Variants in SORBS2 observed in about 807,000 individuals in gnomAD.
The protein encoded by SORBS2 is sorbin and SH3 domain containing 2, also known as sorbin and SH3 domain-containing protein 2.
Under a neutral mutation model 97.7 loss-of-function variants are expected in SORBS2, and 46 were observed. That is an observed-to-expected ratio of 0.47 (90% CI 0.37 to 0.60). The LOEUF (loss-of-function observed/expected upper bound fraction) is 0.60. Ranked by LOEUF, SORBS2 falls within the 20% of genes least tolerant of loss-of-function variation. The pLI, the probability that SORBS2 is intolerant of heterozygous loss-of-function variation, is 0.00. For missense variants in SORBS2, 1,316 were observed against 1,282.3 expected (o/e 1.03, Z -0.40); for synonymous variants, 476 against 473.4 (o/e 1.01, Z -0.07).
chr4:185,651,466 A>G (rs2097312838), intron 2 of SORBS2, among the ~76,000 whole-genome samples: 1 of 152,172 alleles, frequency 6.6e-6, no homozygotes, highest in East Asian at 1.9e-4. Flanking sequence ...TCTGCTGATA[A>G]AAGATCTTTA....
At chr4:185,618,747 T>C (rs975590088) in intron 8 of SORBS2, 116 bp from the exon 21 acceptor site, 7 of 520,358 alleles carry the variant, frequency 1.3e-5, no homozygotes, top group Non-Finnish European at 2.4e-5. Context: ...ACATATGTAA[T>C]GTTAATCCTG....
At chr4:185,706,963 C>T (rs2098352454) in intron 2 of SORBS2, among the ~76,000 whole-genome samples, 1 of 152,092 alleles carries the variant, frequency 6.6e-6, no homozygotes, top group East Asian at 1.9e-4. Flanking sequence ...AGAGTTCTGT[C>T]ATAAACACGT....
chr4:185,637,849 A>T (rs115432013), intron 4 of SORBS2, among the ~76,000 whole-genome samples: 2 of 152,114 alleles, frequency 1.3e-5, no homozygotes, highest in Non-Finnish European at 2.9e-5. Context: ...GTAATGAATT[A>T]GATGTAAAGA....
intron 2 of SORBS2, among the ~76,000 whole-genome samples, chr4:185,736,219 T>C (rs2098686750): frequency 6.6e-6 from 1 of 152,224 alleles, no homozygotes; most frequent in African/African-American, 2.4e-5. Flanking sequence ...TCAATAAACT[T>C]TGTGGTTTTG....
chr4:185,680,025 T>C (rs1358431463), intron 2 of SORBS2, among the ~76,000 whole-genome samples: 2 of 152,218 alleles, frequency 1.3e-5, no homozygotes, highest in Non-Finnish European at 2.9e-5. Context: ...TTCCCATTCT[T>C]TATGATCATT....
At chr4:185,624,230 G>A in exon 7 of SORBS2, 1 of 1,614,190 alleles carries the variant, frequency 6.2e-7, no homozygotes, top group Non-Finnish European at 8.5e-7. Context: ...TTTCGGGTCC[G>A]GGAAGCTATC....
intron 12 of SORBS2, among the ~76,000 whole-genome samples, chr4:185,605,574 C>T (rs1038751394): frequency 9.9e-5 from 15 of 151,854 alleles, no homozygotes; most frequent in African/African-American, 2.7e-4. Context: ...TAAGCCACCG[C>T]AGCTGGCCTT....
chr4:185,847,548 C>G (rs1001062741), intron 1 of SORBS2, among the ~76,000 whole-genome samples: 2 of 152,142 alleles, frequency 1.3e-5, no homozygotes, highest in African/African-American at 4.8e-5. Context: ...TCCTCTCCTC[C>G]CAACTGCAGC....
chr4:185,648,019 C>T (rs1384475794), intron 3 of SORBS2, among the ~76,000 whole-genome samples: 1 of 152,126 alleles, frequency 6.6e-6, no homozygotes, highest in African/African-American at 2.4e-5. Context: ...ATAATTCATC[C>T]TGAGGAGATT....
At chr4:185,661,426 A>C (rs1023280228), upstream of SORBS2, among the ~76,000 whole-genome samples, 3 of 152,214 alleles carry the variant, frequency 2.0e-5, no homozygotes, top group African/African-American at 7.2e-5. Flanking sequence ...TCTGCTTACA[A>C]TTTTTTATGA....
chr4:185,610,528 C>T (rs746888566), intron 12 of SORBS2, among the ~76,000 whole-genome samples: 14 of 152,078 alleles, frequency 9.2e-5, no homozygotes, highest in Non-Finnish European at 2.1e-4. Flanking sequence ...GAAACTCAGT[C>T]TTCAAAGAGG....
Position 185,787,206 on chromosome 4 carries a change from G to T in SORBS2, c.-337-11840C>A, listed in dbSNP as rs536772573. The stretch of plus-strand genomic sequence containing the variant: ...ACAACCAGTTCCCAGCACAGTGGCT[G>T]GTCGCTAGAATGTACTGAGTGAATA... On this transcript the variant is annotated intron_variant, in intron 1 of 20. Transcript: ENST00000284776. Among the ~76,000 whole-genome samples the T allele has an allele frequency of 1.5e-4, 23 of 152,156 alleles. No homozygotes were observed. In the South Asian group the frequency reaches 2.9e-3, roughly 19 times the overall value.
At chr4:185,952,690 C>A (rs1031505) in intron 1 of SORBS2, among the ~76,000 whole-genome samples, 27,094 of 152,134 alleles carry the variant, frequency 0.18, 3,053 homozygotes, top group East Asian at 0.59. Flanking sequence ...TCATGTATGC[C>A]GACAGCGTTA....
intron 1 of SORBS2, among the ~76,000 whole-genome samples, chr4:185,922,668 A>G (rs1024926707): frequency 1.3e-5 from 2 of 152,126 alleles, no homozygotes; most frequent in Admixed American, 6.5e-5. Context: ...AGCGATTATC[A>G]TTTCCTTTCC....
chr4:185,773,952 T>A (rs2098986739), intron 2 of SORBS2: 1 of 151,944 alleles, frequency 6.6e-6, no homozygotes, highest in South Asian at 2.1e-4. Context: ...AGGTTTTTTT[T>A]TTTTTTCCAG....
chr4:185,741,409 T>TTG (rs1554241973), intron 2 of SORBS2, among the ~76,000 whole-genome samples: 2 of 144,188 alleles, frequency 1.4e-5, no homozygotes, highest in Admixed American at 1.4e-4. Context: ...TTTTTGTTTT[T>TTG]TTTTTTTTTT....
At chr4:185,881,400 A>G (rs746098247) in intron 1 of SORBS2, among the ~76,000 whole-genome samples, 2 of 152,220 alleles carry the variant, frequency 1.3e-5, no homozygotes, top group African/African-American at 4.8e-5. Flanking sequence ...GAAATAACAG[A>G]AAGTGCTCCA....
At chr4:185,882,760 TAG>T (rs887196298) in intron 1 of SORBS2, among the ~76,000 whole-genome samples, 6 of 152,120 alleles carry the variant, frequency 3.9e-5, no homozygotes, top group Non-Finnish European at 8.8e-5. Flanking sequence ...AAGAACAGGA[TAG>T]AGAGTCCAAA....
chr4:185,890,520 C>G (rs544444522), intron 1 of SORBS2, among the ~76,000 whole-genome samples: 1 of 152,258 alleles, frequency 6.6e-6, no homozygotes, highest in South Asian at 2.1e-4. Context: ...AATGAGAGAG[C>G]CCACAAGAGA....
Sources: gnomAD v4.1 joint callset for allele counts (sites outside exome capture counted in the v4.1 genomes callset) on GRCh38, gnomAD v4.1.1 for gene constraint, MANE v1.5 for transcripts, NCBI Gene and HGNC (gene_info 2026-07-23, HGNC 2026-07-21) for gene names.